The following PTPRD variants were observed in gnomAD, a reference collection of about 807,000 sequenced individuals.
The protein encoded by PTPRD is protein tyrosine phosphatase receptor type D.
In PTPRD, 34 loss-of-function variants were observed where a neutral mutation model predicts 214.5. That is an observed-to-expected ratio of 0.16 (90% CI 0.12 to 0.21). The LOEUF is 0.21. Ranked by LOEUF, PTPRD falls within the 10% of genes least tolerant of loss-of-function variation. PTPRD has a pLI of 1.00. For missense variants in PTPRD, 2,545 were observed against 2,398.7 expected (o/e 1.06, Z -1.27); for synonymous variants, 1,128 against 845.7 (o/e 1.33, Z -5.79).
At chr9:8,870,288 T>A (rs1488385550) in intron 11 of PTPRD, among the ~76,000 whole-genome samples, 2 of 152,116 alleles carry the variant, frequency 1.3e-5, no homozygotes. Flanking sequence ...AATAACCTTT[T>A]GTAGAATAAA....
In PTPRD at chr9:8,784,750, C is replaced by A. The variant is rs12337335; in HGVS notation, c.-103-50804G>T. Among the ~76,000 whole-genome samples, 1,510 of 152,186 alleles carry A rather than the reference C, an allele frequency of 9.9e-3. 23 individuals are homozygous for A. Among genetic ancestry groups the A allele is most frequent in the African/African-American group, 0.035 (1,455 of 41,508 alleles). On this transcript the variant is annotated intron_variant, in intron 11 of 45. Transcript: ENST00000381196. The stretch of plus-strand genomic sequence containing the variant: ...TCTCTACATCCACATTAGTTAACAT[C>A]CCCCCTGTATCTTAAACTCTCCATA...
intron 2 of PTPRD, among the ~76,000 whole-genome samples, chr9:10,563,330 T>A (rs370342892): frequency 6.6e-6 from 1 of 152,132 alleles, no homozygotes; most frequent in South Asian, 2.1e-4. Flanking sequence ...CATCATGGAT[T>A]CAGGTCAGGA....
intron 5 of PTPRD, among the ~76,000 whole-genome samples, chr9:9,825,836 T>C (rs2052623154): frequency 1.3e-5 from 2 of 151,850 alleles, no homozygotes; most frequent in African/African-American, 4.8e-5. Context: ...ATTATAATTT[T>C]TCTTCCTTTT....
intron 11 of PTPRD, among the ~76,000 whole-genome samples, chr9:8,867,148 A>G (rs550119152): frequency 6.2e-4 from 95 of 152,096 alleles, no homozygotes; most frequent in Non-Finnish European, 9.3e-4. Flanking sequence ...GATGACGGAC[A>G]CTCTTAATAT....
At position 8,465,485 on chromosome 9, in the gene PTPRD, A is replaced by T. The variant is rs761841492; in HGVS notation, c.3695T>A (p.Val1232Glu). The T allele has an allele frequency of 5.6e-6, 9 of 1,612,174 alleles. No homozygotes were observed. In the African/African-American group the frequency reaches 1.2e-4, roughly 22 times the overall value. Residue 1232 changes from valine (V) to glutamate (E), a missense_variant, in exon 32 of 46, where the codon GTA becomes GAA. Transcript: ENST00000381196. The part of the protein sequence containing the change: ...GQEYVFFVLA[V>E]MEHAESKMYA... The stretch of plus-strand genomic sequence containing the variant: ...ACTTACAGACTCTGCATGTTCCATT[A>T]CTGCTAACACAAAGAAGACATATTC...
chr9:9,651,089 A>G (rs2096332532), intron 7 of PTPRD, among the ~76,000 whole-genome samples: 1 of 152,062 alleles, frequency 6.6e-6, no homozygotes, highest in Non-Finnish European at 1.5e-5. Flanking sequence ...ACCCATGGTT[A>G]CTCTTCTAAT....
At chr9:9,632,791 T>A (rs1429823674) in intron 7 of PTPRD, among the ~76,000 whole-genome samples, 1 of 152,082 alleles carries the variant, frequency 6.6e-6, no homozygotes, top group Non-Finnish European at 1.5e-5. Flanking sequence ...TAGATAAAGA[T>A]AAAAATGTGG....
At position 8,758,953 on chromosome 9, in the gene PTPRD, G is replaced by A. The variant is rs994747267; in HGVS notation, c.-103-25007C>T. Among the ~76,000 whole-genome samples the A allele has an allele frequency of 6.6e-5, 10 of 151,842 alleles. No individual in the cohort carries two copies. In the South Asian group the frequency reaches 1.9e-3, roughly 28 times the overall value. ...ACCTGCCTCAGCCTCCCAAAGTGCT[G>A]GGATTGCAGGCGTGAGCCACCGCAC... On this transcript the variant is annotated intron_variant, in intron 11 of 45. Coordinates refer to ENST00000381196, the MANE Select transcript of PTPRD (RefSeq NM_002839.4).
intron 14 of PTPRD, among the ~76,000 whole-genome samples, chr9:8,561,007 T>A (rs755770082): frequency 2.0e-5 from 3 of 150,588 alleles, no homozygotes; most frequent in Non-Finnish European, 4.4e-5. Flanking sequence ...TGGGGCAGGA[T>A]CCCCTTTTAA....
chr9:9,255,142 G>A (rs890941492), intron 9 of PTPRD, among the ~76,000 whole-genome samples: 95 of 151,994 alleles, frequency 6.3e-4, no homozygotes, highest in Admixed American at 6.0e-3. Flanking sequence ...AGACCCAGAA[G>A]AAAAACAATG....
At chr9:10,483,968 CAAACATGTATAT>C (rs1041855288) in intron 2 of PTPRD, among the ~76,000 whole-genome samples, 2 of 152,086 alleles carry the variant, frequency 1.3e-5, no homozygotes, top group African/African-American at 4.8e-5. Context: ...AAAAAACATT[CAAACATGTATAT>C]CGCAGTAAAA....
At chr9:9,940,277 A>G (rs752147367) in intron 4 of PTPRD, among the ~76,000 whole-genome samples, 1 of 152,082 alleles carries the variant, frequency 6.6e-6, no homozygotes, top group Non-Finnish European at 1.5e-5. Flanking sequence ...AGGATAAAGG[A>G]TAAACCCCGC....
chr9:9,038,553 G>GTTTT (rs35388432), intron 10 of PTPRD, among the ~76,000 whole-genome samples: 1 of 129,044 alleles, frequency 7.7e-6, no homozygotes, highest in African/African-American at 3.1e-5. Context: ...TGTGATAACG[G>GTTTT]TTTTTTTTTT....
intron 12 of PTPRD, among the ~76,000 whole-genome samples, chr9:8,660,242 T>C (rs2097012447): frequency 6.6e-6 from 1 of 152,214 alleles, no homozygotes; most frequent in African/African-American, 2.4e-5. Context: ...ATCAATAATC[T>C]AAGCTAAGCA....
intron 8 of PTPRD, among the ~76,000 whole-genome samples, chr9:9,422,405 C>A (rs1027185641): frequency 6.6e-6 from 1 of 152,002 alleles, no homozygotes; most frequent in African/African-American, 2.4e-5. Context: ...TGTAGTAGAC[C>A]AATCACCTGC....
intron 2 of PTPRD, among the ~76,000 whole-genome samples, chr9:10,368,817 T>C (rs1057317646): frequency 6.6e-6 from 1 of 152,112 alleles, no homozygotes. Flanking sequence ...CAAATCATGA[T>C]ACAAAAATTT....
chr9:9,308,326 A>T (rs1957784353), intron 9 of PTPRD, among the ~76,000 whole-genome samples: 1 of 152,202 alleles, frequency 6.6e-6, no homozygotes, highest in African/African-American at 2.4e-5. Context: ...GTGTTTGTAT[A>T]CTTACAGGCA....
rs142135279 is a variant in PTPRD, at chr9:9,500,421, G to C, written c.-237+74311C>G. 5.3e-5 allele frequency among the ~76,000 whole-genome samples: 8 copies of C among 152,182 alleles called. No homozygotes were observed. In the East Asian group the frequency reaches 1.5e-3, roughly 29 times the overall value. On this transcript the variant is annotated intron_variant, in intron 8 of 45. Coordinates refer to ENST00000381196, the MANE Select transcript of PTPRD (RefSeq NM_002839.4). ...TCTTCCCAGCAGAATTTTCCTGATA[G>C]CAGTACAGGAAGGTACAGCTAAAGA... is the stretch of plus-strand genomic sequence containing the variant.
chr9:9,431,819 T>C (rs1300104813), intron 8 of PTPRD, among the ~76,000 whole-genome samples: 2 of 143,974 alleles, frequency 1.4e-5, no homozygotes, highest in African/African-American at 2.6e-5. Context: ...AACCATACAG[T>C]GCATGTTCTC....
Sources: gnomAD v4.1 joint callset for allele counts (sites outside exome capture counted in the v4.1 genomes callset) on GRCh38, gnomAD v4.1.1 for gene constraint, MANE v1.5 for transcripts, NCBI Gene and HGNC (gene_info 2026-07-23, HGNC 2026-07-21) for gene names.